TMEM266: variants seen among roughly 807,000 people sequenced by gnomAD.
The protein encoded by TMEM266 is transmembrane protein 266.
In TMEM266, 33 loss-of-function variants were observed where a neutral mutation model predicts 50.5. The ratio of observed to expected loss-of-function variants is 0.65; its 90% CI spans 0.50 to 0.87. The LOEUF (loss-of-function observed/expected upper bound fraction) is 0.87. Ranked by LOEUF, TMEM266 falls within the 40% of genes least tolerant of loss-of-function variation. The pLI is 0.00. For synonymous variants in TMEM266, 310 were observed against 292.3 expected, an observed-to-expected ratio of 1.06 and a Z score of -0.62; for missense variants, 655 against 695.1, an observed-to-expected ratio of 0.94 and a Z score of 0.65.
In TMEM266 at chr15:76,168,026, A is replaced by G. The variant is rs896692577; in HGVS notation, c.457-1790A>G. ...ATTATTCTCATAAATAGGAAGGATT[A>G]TAACATGTAACCCACCTCTCTGGCA... is the stretch of plus-strand genomic sequence containing the variant. On this transcript the variant is annotated intron_variant, in intron 5 of 10. Coordinates refer to ENST00000388942, the MANE Select transcript of TMEM266 (RefSeq NM_152335.3). This position sits in a 1 kb window ranked among gnomAD's most constrained non-coding sequence, Gnocchi z 4.4. Among the ~76,000 whole-genome samples, 2 of 152,234 alleles carry G rather than the reference A, an allele frequency of 1.3e-5. No homozygotes were observed. Among genetic ancestry groups the G allele is most frequent in the African/African-American group, 4.8e-5 (2 of 41,464 alleles).
intron 9 of TMEM266, among the ~76,000 whole-genome samples, chr15:76,193,682 G>A (rs1387190401): frequency 6.6e-6 from 1 of 152,132 alleles, no homozygotes; most frequent in African/African-American, 2.4e-5. Context: ...ATACCTCCCT[G>A]GGGAACCCAC....
At chr15:76,121,519 T>C (rs1191662944) in intron 1 of TMEM266, among the ~76,000 whole-genome samples, 2 of 152,050 alleles carry the variant, frequency 1.3e-5, no homozygotes, top group Non-Finnish European at 1.5e-5. Flanking sequence ...CAGGTTCAAG[T>C]GATTCTCCTG....
At chr15:76,177,663 G>C (rs1411011423) in intron 8 of TMEM266, among the ~76,000 whole-genome samples, 2 of 152,268 alleles carry the variant, frequency 1.3e-5, no homozygotes, top group Non-Finnish European at 2.9e-5. Flanking sequence ...GCAGGCTATG[G>C]AATCCTAGAC....
intron 1 of TMEM266, among the ~76,000 whole-genome samples, chr15:76,073,940 T>C (rs766407332): frequency 4.0e-5 from 6 of 151,160 alleles, no homozygotes; most frequent in Non-Finnish European, 8.8e-5. Flanking sequence ...CCACACTCAA[T>C]GGGATGTTTG....
Position 76,192,084 on chromosome 15 carries a change from A to C in TMEM266, c.885A>C (p.Lys295Asn). 6.8e-7 allele frequency: 1 copy of C among 1,466,848 alleles called. No individual in the cohort carries two copies. Among genetic ancestry groups the C allele is most frequent in the Non-Finnish European group, 9.0e-7 (1 of 1,113,348 alleles). 90.9% of individuals were successfully genotyped at this position (1,466,848 alleles called of 1,614,324 possible). The change falls in exon 9 of 11, where the codon AAA becomes AAC. Residue 295 changes from lysine (K) to asparagine (N), a missense_variant. Physicochemically the swap from Lys to Asn is moderately conservative, Grantham distance 94 (BLOSUM62 0). This residue lies in a region of TMEM266 where 455 missense variants were observed against 401.8 expected (regional missense o/e 1.13). Coordinates refer to ENST00000388942, the MANE Select transcript of TMEM266 (RefSeq NM_152335.3). ...TCAGCCAGCCGCGCAGCCGCTTCAA[A>C]GTGTTGGAGGCCGGCACGTGGGACG...
rs145361140 is a variant in TMEM266 at position 76,185,274 on chromosome 15, G to A, written c.769-6694G>A. Among the ~76,000 whole-genome samples the A allele has an allele frequency of 7.9e-5, 12 of 152,160 alleles. No individual in the cohort carries two copies. In the South Asian group the frequency reaches 1.2e-3, roughly 16 times the overall value. ...CTGAGGCCATTTGATTATGTCTCAC[G>A]TTTCTCTTAGATCCTACTCTGCTCC... is the stretch of plus-strand genomic sequence containing the variant. On this transcript the variant is annotated intron_variant, in intron 8 of 10. Transcript: ENST00000388942.
intron 1 of TMEM266, among the ~76,000 whole-genome samples, chr15:76,068,849 T>C (rs991319057): frequency 1.3e-5 from 2 of 152,184 alleles, no homozygotes; most frequent in African/African-American, 4.8e-5. Flanking sequence ...AGCATCCTTG[T>C]TGTACAGATG....
intron 3 of TMEM266, among the ~76,000 whole-genome samples, chr15:76,143,605 C>T (rs1216767470): frequency 1.3e-5 from 2 of 152,234 alleles, no homozygotes; most frequent in Non-Finnish European, 2.9e-5. Context: ...ATTCTCCCGC[C>T]TCGGCCTCCC....
intron 1 of TMEM266, among the ~76,000 whole-genome samples, chr15:76,071,727 C>T (rs1237257539): frequency 6.6e-6 from 1 of 152,144 alleles, no homozygotes; most frequent in Non-Finnish European, 1.5e-5. Context: ...AGCCCCACCC[C>T]AGACCCCTCA....
chr15:76,155,456 C>T (rs2037910592), intron 3 of TMEM266, among the ~76,000 whole-genome samples: 1 of 152,128 alleles, frequency 6.6e-6, no homozygotes, highest in Non-Finnish European at 1.5e-5. Flanking sequence ...AGCTGCTGTC[C>T]TCGGAGGCCT....
intron 9 of TMEM266, among the ~76,000 whole-genome samples, chr15:76,199,318 G>T (rs554289355): frequency 6.6e-6 from 1 of 152,238 alleles, no homozygotes; most frequent in Non-Finnish European, 1.5e-5. Context: ...CAGGAGGGAT[G>T]TCTGGGCTGA....
rs182261326 is a variant in TMEM266 at position 76,099,504 on chromosome 15, C to T, written c.-96-34664C>T. 3.2e-4 allele frequency among the ~76,000 whole-genome samples: 49 copies of T among 152,302 alleles called. No homozygotes were observed. The East Asian group carries it at 4.4e-3, about 14-fold the overall frequency. On this transcript the variant is annotated intron_variant, in intron 1 of 10. Coordinates refer to ENST00000388942, the MANE Select transcript of TMEM266 (RefSeq NM_152335.3). The stretch of plus-strand genomic sequence containing the variant: ...GTCGACCTCGCTGGGAGCTGCAGAC[C>T]GGAGCTGTTCCTATTTGGCCATCTT...
chr15:76,200,793 C>T (rs1406304887), intron 9 of TMEM266, among the ~76,000 whole-genome samples: 1 of 152,196 alleles, frequency 6.6e-6, no homozygotes, highest in African/African-American at 2.4e-5. Context: ...GTGTAGCTGG[C>T]TGATGAGGAG....
At chr15:76,152,943 C>T (rs2037867128) in intron 3 of TMEM266, among the ~76,000 whole-genome samples, 1 of 152,078 alleles carries the variant, frequency 6.6e-6, no homozygotes, top group South Asian at 2.1e-4. Flanking sequence ...ACTTCAAGGC[C>T]GTCATCCCCT....
At chr15:76,077,755 A>G (rs2036626403) in intron 1 of TMEM266, among the ~76,000 whole-genome samples, 1 of 152,048 alleles carries the variant, frequency 6.6e-6, no homozygotes, top group South Asian at 2.1e-4. Flanking sequence ...TCTCCCCTAC[A>G]AGCCTTAGAG....
chr15:76,110,898 A>G (rs2037161244), intron 1 of TMEM266, among the ~76,000 whole-genome samples: 1 of 152,220 alleles, frequency 6.6e-6, no homozygotes, highest in South Asian at 2.1e-4. Flanking sequence ...TCAGCATTGT[A>G]TCAACAAGGA....
At chr15:76,085,721 G>T (rs761963474) in intron 1 of TMEM266, among the ~76,000 whole-genome samples, 3 of 152,090 alleles carry the variant, frequency 2.0e-5, no homozygotes, top group Non-Finnish European at 2.9e-5. Context: ...TTTAATAAAA[G>T]AATTGAAAAT....
chr15:76,183,534 GC>G (rs1002675002), intron 8 of TMEM266, among the ~76,000 whole-genome samples: 3 of 152,124 alleles, frequency 2.0e-5, no homozygotes, highest in Admixed American at 2.0e-4. Context: ...ATATTGCTCT[GC>G]CCCCGTTTTA....
intron 4 of TMEM266, among the ~76,000 whole-genome samples, chr15:76,158,580 G>A (rs754652645): frequency 3.3e-5 from 5 of 152,120 alleles, no homozygotes; most frequent in East Asian, 1.9e-4. Flanking sequence ...GATTTTGGTC[G>A]GAGATCCAAT....
Sources: gnomAD v4.1 joint callset for allele counts (sites outside exome capture counted in the v4.1 genomes callset) on GRCh38, gnomAD v4.1.1 for gene constraint, gnomAD v4.1.1 regional missense constraint, Gnocchi (gnomAD v3.1) non-coding constraint, MANE v1.5 for transcripts, NCBI Gene and HGNC (gene_info 2026-07-23, HGNC 2026-07-21) for gene names.